The following SLC16A7 variants were observed in gnomAD, a reference collection of about 807,000 sequenced individuals.
The protein encoded by SLC16A7 is solute carrier family 16 member 7.
In SLC16A7, 33 loss-of-function variants were observed where a neutral mutation model predicts 34.9. The ratio of observed to expected loss-of-function variants is 0.94; its 90% confidence interval spans 0.72 to 1.26. SLC16A7 has a LOEUF of 1.26. Among genes scored for constraint, SLC16A7 ranks in the 50% most tolerant of loss-of-function variants. The probability of loss-of-function intolerance (pLI) is 0.00; values close to 1 mark genes in which losing one functional copy is unlikely to be tolerated. For synonymous variants in SLC16A7, 201 were observed against 206.6 expected, an observed-to-expected ratio of 0.97 and a Z score of 0.23; for missense variants, 573 against 578.1, an observed-to-expected ratio of 0.99 and a Z score of 0.09.
intron 1 of SLC16A7, among the ~76,000 whole-genome samples, chr12:59,601,095 C>A (rs1054956527): frequency 6.6e-6 from 1 of 152,138 alleles, no homozygotes; most frequent in African/African-American, 2.4e-5. Context: ...GTGGTGAACA[C>A]AAATGAAATA....
chr12:59,687,602 C>T (rs1871258652), intron 2 of SLC16A7, among the ~76,000 whole-genome samples: 1 of 152,096 alleles, frequency 6.6e-6, no homozygotes, highest in African/African-American at 2.4e-5. Context: ...TTCTGTCAAA[C>T]AACTGCAATC....
intron 1 of SLC16A7, among the ~76,000 whole-genome samples, chr12:59,618,446 G>A (rs1879553011): frequency 6.6e-6 from 1 of 151,962 alleles, no homozygotes. Flanking sequence ...AAAAAGATGA[G>A]TAAAAGTCAC....
intron 3 of SLC16A7, among the ~76,000 whole-genome samples, chr12:59,767,558 G>C (rs1881790342): frequency 6.6e-6 from 1 of 152,020 alleles, no homozygotes; most frequent in Non-Finnish European, 1.5e-5. Context: ...AATCTGTTCT[G>C]CCTGTGTTTT....
intron 2 of SLC16A7, among the ~76,000 whole-genome samples, chr12:59,680,629 A>C (rs1180099637): frequency 6.6e-6 from 1 of 152,124 alleles, no homozygotes; most frequent in East Asian, 1.9e-4. Context: ...TATAGAATGC[A>C]ATCTATAATT....
At chr12:59,692,535 T>C (rs1367507930) in intron 2 of SLC16A7, among the ~76,000 whole-genome samples, 1 of 152,058 alleles carries the variant, frequency 6.6e-6, no homozygotes, top group Non-Finnish European at 1.5e-5. Flanking sequence ...TTCTGATTTT[T>C]GGATTTGGGG....
rs564398760 is a variant in SLC16A7, at chr12:59,777,907, G to T, written c.1181-1516G>T. Among the ~76,000 whole-genome samples the T allele has an allele frequency of 1.8e-3, 276 of 149,392 alleles. 2 individuals are homozygous for T. The highest frequency in any genetic ancestry group is 5.8e-3 in the African/African-American group (237 of 40,616). ...TATGAGTGAGAATATGCAGTGTTTG[G>T]TTTTTTGTTCTTGCGATAGTTTACT... On this transcript the variant is annotated intron_variant, in intron 5 of 5. Coordinates refer to ENST00000547379, the MANE Select transcript of SLC16A7 (RefSeq NM_001270623.2).
In SLC16A7 at chr12:59,778,065, G is replaced by C. The variant is rs372488728; in HGVS notation, c.1181-1358G>C. 1.4e-4 allele frequency among the ~76,000 whole-genome samples: 21 copies of C among 151,900 alleles called. No homozygotes were observed. The East Asian group carries it at 3.5e-3, about 25-fold the overall frequency. On this transcript the variant is annotated intron_variant, in intron 5 of 5. Transcript: ENST00000547379. ...TCCAATCTATCATTGTTGGACATTT[G>C]GGTTGGTTCCAAGTCTTTGCTATTG...
At chr12:59,671,861 ATGTATATATG>A (rs1286796074) in intron 2 of SLC16A7, among the ~76,000 whole-genome samples, 1 of 135,074 alleles carries the variant, frequency 7.4e-6, no homozygotes, top group South Asian at 2.2e-4. Flanking sequence ...ATATGTGTAT[ATGTATATATG>A]TGTATATATG....
At chr12:59,752,598 G>A (rs966806521) in intron 3 of SLC16A7, among the ~76,000 whole-genome samples, 3 of 151,870 alleles carry the variant, frequency 2.0e-5, no homozygotes, top group African/African-American at 7.3e-5. Flanking sequence ...AGAAATATGG[G>A]ACTATGTGAA....
chr12:59,736,886 T>A (rs118045613), intron 3 of SLC16A7, among the ~76,000 whole-genome samples: 2,787 of 152,312 alleles, frequency 0.018, 49 homozygotes, highest in Middle Eastern at 0.044. Flanking sequence ...CCTCTGAAAC[T>A]GCTTTTCCAA....
intron 2 of SLC16A7, among the ~76,000 whole-genome samples, chr12:59,690,168 G>T (rs767101098): frequency 6.6e-6 from 1 of 151,970 alleles, no homozygotes; most frequent in Non-Finnish European, 1.5e-5. Flanking sequence ...ATGACTCTGG[G>T]AGAGAAGAAA....
intron 3 of SLC16A7, among the ~76,000 whole-genome samples, chr12:59,718,175 A>G (rs975315327): frequency 6.6e-6 from 1 of 152,172 alleles, no homozygotes; most frequent in African/African-American, 2.4e-5. Flanking sequence ...TATTCCAAAT[A>G]TAACTCTTTA....
At chr12:59,604,852 T>C (rs1183311383) in intron 1 of SLC16A7, among the ~76,000 whole-genome samples, 1 of 152,208 alleles carries the variant, frequency 6.6e-6, no homozygotes, top group Non-Finnish European at 1.5e-5. Flanking sequence ...TAATTTTATT[T>C]TTTTTCTTTT....
chr12:59,749,569 T>C (rs1036028197), intron 3 of SLC16A7, among the ~76,000 whole-genome samples: 3 of 152,076 alleles, frequency 2.0e-5, no homozygotes, highest in South Asian at 4.1e-4. Context: ...TGGTACTCTA[T>C]GGAAAAAATG....
intron 3 of SLC16A7, among the ~76,000 whole-genome samples, chr12:59,729,334 A>T (rs1255727319): frequency 6.6e-6 from 1 of 152,206 alleles, no homozygotes; most frequent in Non-Finnish European, 1.5e-5. Flanking sequence ...TGCCTTTCCT[A>T]TCATCTCCTT....
At chr12:59,685,010 G>A (rs1041505201) in intron 2 of SLC16A7, among the ~76,000 whole-genome samples, 1 of 152,032 alleles carries the variant, frequency 6.6e-6, no homozygotes, top group African/African-American at 2.4e-5. Flanking sequence ...TTGTTGATGT[G>A]TTTTAGGGGA....
chr12:59,620,990 C>A (rs1364915468), intron 1 of SLC16A7, among the ~76,000 whole-genome samples: 1 of 151,754 alleles, frequency 6.6e-6, no homozygotes, highest in Non-Finnish European at 1.5e-5. Context: ...TTTTTTGAGG[C>A]AGAATATATA....
At position 59,746,304 on chromosome 12, in the gene SLC16A7, C is replaced by T. The variant is rs76032746; in HGVS notation, c.218-24915C>T. Among the ~76,000 whole-genome samples the T allele has an allele frequency of 0.011, 1,603 of 152,236 alleles. 109 individuals are homozygous for T. In the East Asian group the frequency reaches 0.18, roughly 17 times the overall value. ...TTGATTGAATGGATAGTGATGTCTA[C>T]CAATGAAATCAGCAATACAAGAGCC... On this transcript the variant is annotated intron_variant, in intron 3 of 5. Transcript: ENST00000547379.
chr12:59,712,334 A>G lies in SLC16A7; in HGVS notation c.217+7316A>G, dbSNP rs148884555. Among the ~76,000 whole-genome samples, 51 of 152,342 alleles carry G rather than the reference A, an allele frequency of 3.3e-4. 1 individual carries two copies. In the East Asian group the frequency reaches 9.1e-3, roughly 27 times the overall value. On this transcript the variant is annotated intron_variant, in intron 3 of 5. Coordinates refer to ENST00000547379, the MANE Select transcript of SLC16A7 (RefSeq NM_001270623.2). Reference sequence around the variant, plus strand: ...ATAAATAGGGTCAATAATCATTTCTAAAAGAAATCTATGCCCTTTACCCAT... The same window carrying G: ...ATAAATAGGGTCAATAATCATTTCTGAAAGAAATCTATGCCCTTTACCCAT...
Sources: allele counts gnomAD v4.1 joint callset (sites outside exome capture counted in the v4.1 genomes callset), GRCh38; gene constraint gnomAD v4.1.1; transcripts MANE v1.5; gene names NCBI Gene and HGNC (gene_info 2026-07-23, HGNC 2026-07-21).